Variants in ACTN4 observed in about 807,000 individuals in gnomAD.
The protein encoded by ACTN4 is actinin alpha 4.
Under a neutral mutation model 114.2 loss-of-function variants are expected in ACTN4, and 18 were observed. The ratio of observed to expected loss-of-function variants is 0.16; its 90% CI spans 0.11 to 0.23. The LOEUF (loss-of-function observed/expected upper bound fraction) is 0.23. Among genes scored for constraint, ACTN4 ranks in the 10% least tolerant of loss-of-function variants. ACTN4 has a pLI of 1.00. For missense variants in ACTN4, 722 were observed against 1,262.9 expected (o/e 0.57, Z 6.49); for synonymous variants, 515 against 506.3 (o/e 1.02, Z -0.23).
chr19:38,658,336 A>C (rs889526025), intron 1 of ACTN4, among the ~76,000 whole-genome samples: 6 of 152,210 alleles, frequency 3.9e-5, no homozygotes, highest in Non-Finnish European at 8.8e-5. Flanking sequence ...AGGACAAAAT[A>C]TGCCTGTATC....
chr19:38,720,000 A>T (rs895835862), intron 11 of ACTN4, among the ~76,000 whole-genome samples: 1 of 152,212 alleles, frequency 6.6e-6, no homozygotes, highest in Non-Finnish European at 1.5e-5. Flanking sequence ...GGGTCTGCCC[A>T]TGGCGTCTGC....
intron 1 of ACTN4, among the ~76,000 whole-genome samples, chr19:38,671,578 C>A (rs1967129924): frequency 6.6e-6 from 1 of 152,116 alleles, no homozygotes; most frequent in African/African-American, 2.4e-5. Context: ...CTGAATGCAG[C>A]GTTTCTTATT....
At position 38,714,536 on chromosome 19, in the gene ACTN4, A is replaced by G. The variant is rs763975122; in HGVS notation, c.887A>G (p.Glu296Gly). Reference sequence around the variant, plus strand: ...AACCAAGAGAACGAGCACCTGATGGAGGACTACGAGAAGCTGGCCAGCGAC... The same window carrying G: ...AACCAAGAGAACGAGCACCTGATGGGGGACTACGAGAAGCTGGCCAGCGAC... ...AVNQENEHLM[E>G]DYEKLASDLL... is the part of the protein sequence containing the mutation. The change falls in exon 9 of 21, where the codon GAG becomes GGG. Residue 296 changes from glutamate (E) to glycine (G), a missense_variant. Coordinates refer to ENST00000252699, the MANE Select transcript of ACTN4 (RefSeq NM_004924.6). 3.1e-6 allele frequency: 5 copies of G among 1,613,846 alleles called. No homozygotes were observed. The highest frequency in any genetic ancestry group is 1.6e-4 in the Middle Eastern group (1 of 6,084).
At chr19:38,659,438 G>A (rs1976814063) in intron 1 of ACTN4, among the ~76,000 whole-genome samples, 1 of 152,144 alleles carries the variant, frequency 6.6e-6, no homozygotes, top group Non-Finnish European at 1.5e-5. Context: ...GCCAATTGAG[G>A]GATGATTGGT....
rs2145030365 is a variant in ACTN4, at chr19:38,709,765, GC to G, written c.733+292del. ...TCTCCTGAGGGTGCATCTCCTCAGG[GC>G]CCAGGAAGGGCAAGGTGGCTGAGGA... On this transcript the variant is annotated intron_variant, in intron 7 of 20. Coordinates refer to ENST00000252699, the MANE Select transcript of ACTN4 (RefSeq NM_004924.6). 1.3e-5 allele frequency among the ~76,000 whole-genome samples: 2 copies of G among 152,328 alleles called. 1 individual carries two copies. Among genetic ancestry groups the G allele is most frequent in the South Asian group, 4.1e-4 (2 of 4,830 alleles).
chr19:38,722,881 C>T (rs1007479197), intron 12 of ACTN4, among the ~76,000 whole-genome samples: 16 of 152,234 alleles, frequency 1.1e-4, no homozygotes, highest in Admixed American at 3.9e-4. Context: ...GCTCTCTGGA[C>T]GGTAGCCCTG....
At chr19:38,656,658 G>A (rs547566100) in intron 1 of ACTN4, among the ~76,000 whole-genome samples, 3 of 152,326 alleles carry the variant, frequency 2.0e-5, no homozygotes, top group East Asian at 1.9e-4. Flanking sequence ...GGGAAATATC[G>A]TGGATGGTGT....
At chr19:38,655,739 G>C (rs150112052) in intron 1 of ACTN4, among the ~76,000 whole-genome samples, 5 of 152,174 alleles carry the variant, frequency 3.3e-5, no homozygotes, top group Non-Finnish European at 7.4e-5. Context: ...ATCTGTGGGG[G>C]ATTGGTTCCA....
In ACTN4 at chr19:38,723,941, CAG is replaced by C. The variant is rs1274615294; in HGVS notation, c.1560_1561del (p.Lys521AlafsTer43). The C allele has an allele frequency of 6.2e-7, 1 of 1,612,060 alleles. No homozygotes were observed. Among genetic ancestry groups the C allele is most frequent in the Admixed American group, 1.7e-5 (1 of 59,894 alleles). The stretch of plus-strand genomic sequence containing the variant: ...CCCTTCCCTCCCACACACTAGAAAA[CAG>C]AGAAGCAGCTGGAGGCCATCGACCA... On this transcript the variant is annotated frameshift_variant, in exon 14 of 21. Transcript: ENST00000252699. LOFTEE classifies it high-confidence loss of function.
At chr19:38,666,229 C>CG (rs1241265328) in intron 1 of ACTN4, among the ~76,000 whole-genome samples, 2 of 151,982 alleles carry the variant, frequency 1.3e-5, no homozygotes, top group Non-Finnish European at 2.9e-5. Flanking sequence ...CCTGTCCCCC[C>CG]CAAAAGCAAT....
intron 1 of ACTN4, among the ~76,000 whole-genome samples, chr19:38,668,409 C>T (rs2144873092): frequency 6.6e-6 from 1 of 152,114 alleles, no homozygotes; most frequent in East Asian, 1.9e-4. Flanking sequence ...GATGAAGGGC[C>T]AGGCGCAGTG....
At chr19:38,663,646 G>A (rs1224003269) in intron 1 of ACTN4, among the ~76,000 whole-genome samples, 3 of 152,210 alleles carry the variant, frequency 2.0e-5, no homozygotes, top group Non-Finnish European at 2.9e-5. Flanking sequence ...GCGTGCAATC[G>A]AACATTTCTT....
intron 1 of ACTN4, among the ~76,000 whole-genome samples, chr19:38,683,397 G>C (rs978470489): frequency 6.6e-6 from 1 of 152,132 alleles, no homozygotes; most frequent in Non-Finnish European, 1.5e-5. Flanking sequence ...ACCCAGACAG[G>C]ACTTGCTGTT....
chr19:38,679,562 G>GGTGTGT (rs752412184), intron 1 of ACTN4, among the ~76,000 whole-genome samples: 3 of 96,402 alleles, frequency 3.1e-5, no homozygotes, highest in South Asian at 4.9e-4. Context: ...AATAGATTTG[G>GGTGTGT]GTGTGCGTGT....
At chr19:38,719,988 G>A (rs939311636) in intron 11 of ACTN4, among the ~76,000 whole-genome samples, 10 of 152,338 alleles carry the variant, frequency 6.6e-5, no homozygotes, top group South Asian at 4.1e-4. Context: ...GGGCATCCAC[G>A]CGGGTCTGCC....
At chr19:38,650,519 G>T (rs958350580) in intron 1 of ACTN4, among the ~76,000 whole-genome samples, 1 of 152,210 alleles carries the variant, frequency 6.6e-6, no homozygotes, top group Non-Finnish European at 1.5e-5. Context: ...CTCAGCCAGA[G>T]CCAGATTCTA....
chr19:38,706,928 AGGG>A, intron 5 of ACTN4, among the ~76,000 whole-genome samples: 1 of 152,168 alleles, frequency 6.6e-6, no homozygotes, highest in Non-Finnish European at 1.5e-5. Context: ...CATGAGGTCC[AGGG>A]GGCGGCAAGA....
chr19:38,662,108 T>A lies in ACTN4; in HGVS notation c.162+14201T>A, dbSNP rs945693944. On this transcript the variant is annotated intron_variant, in intron 1 of 20. Coordinates refer to ENST00000252699, the MANE Select transcript of ACTN4 (RefSeq NM_004924.6). ...GACAGGCATACAGGCTGATTCAGTC[T>A]GAGGTGCTTAGCTTTCTGTACCTCA... is the stretch of plus-strand genomic sequence containing the variant. 2.6e-5 allele frequency among the ~76,000 whole-genome samples: 4 copies of A among 152,212 alleles called. No individual in the cohort carries two copies. In the South Asian group the frequency reaches 6.2e-4, roughly 24 times the overall value.
At chr19:38,655,043 T>A (rs749919479) in intron 1 of ACTN4, among the ~76,000 whole-genome samples, 3 of 152,112 alleles carry the variant, frequency 2.0e-5, no homozygotes, top group Non-Finnish European at 2.9e-5. Flanking sequence ...GCCAGAGCAG[T>A]CCCCCTGTGC....
Sources: allele counts gnomAD v4.1 joint callset (sites outside exome capture counted in the v4.1 genomes callset), GRCh38; gene constraint gnomAD v4.1.1; transcripts MANE v1.5; gene names NCBI Gene and HGNC (gene_info 2026-07-23, HGNC 2026-07-21).